KIAA0825: variants seen among roughly 807,000 people sequenced by gnomAD.
The protein encoded by KIAA0825 is uncharacterized protein KIAA0825.
A neutral mutation model predicts 147.6 loss-of-function variants in KIAA0825; 119 were observed. The ratio of observed to expected loss-of-function variants is 0.81; its 90% confidence interval spans 0.69 to 0.94. KIAA0825 has a LOEUF of 0.94. Among genes scored for constraint, KIAA0825 ranks in the 40% least tolerant of loss-of-function variants. The probability of loss-of-function intolerance (pLI) is 0.00; values close to 1 mark genes in which losing one functional copy is unlikely to be tolerated. For missense variants in KIAA0825, 1,381 were observed against 1,472.7 expected, an observed-to-expected ratio of 0.94 and a Z score of 1.02; for synonymous variants, 470 against 518.1, an observed-to-expected ratio of 0.91 and a Z score of 1.26.
Position 94,614,622 on chromosome 5 carries a change from C to T in KIAA0825, c.-153+3878G>A, listed in dbSNP as rs62365670. 6.8e-3 allele frequency among the ~76,000 whole-genome samples: 1,039 copies of T among 152,158 alleles called. 6 individuals carry two copies. The highest frequency in any genetic ancestry group is 0.011 in the Non-Finnish European group (734 of 67,998). On this transcript the variant is annotated intron_variant, in intron 1 of 20. Coordinates refer to ENST00000682413, the MANE Select transcript of KIAA0825 (RefSeq NM_001145678.3). ...CAGTAGAACACTTGTCCCTCTTGTT[C>T]CCCTGCCAAAATCCTTTCCATCCTA...
intron 3 of KIAA0825, among the ~76,000 whole-genome samples, chr5:94,529,315 T>TATATATGTATGTATC (rs1770165043): frequency 1.4e-5 from 2 of 141,592 alleles, no homozygotes; most frequent in Admixed American, 7.2e-5. Context: ...GTATATATCA[T>TATATATGTATGTATC]ATATATGTAT....
Position 94,319,446 on chromosome 5 carries a change from T to C in KIAA0825, c.3710+64922A>G, listed in dbSNP as rs893232558. On this transcript the variant is annotated intron_variant, in intron 20 of 20. Coordinates refer to ENST00000682413, the MANE Select transcript of KIAA0825 (RefSeq NM_001145678.3). ...CCTGAGTCCCATATTACTATGTCCA[T>C]CTCCTACTCTTCCTAGATGTCTTAA... Among the ~76,000 whole-genome samples, 3 of 151,896 alleles carry C rather than the reference T, an allele frequency of 2.0e-5. 1 individual carries two copies. The South Asian group carries it at 6.2e-4, about 31-fold the overall frequency.
At chr5:94,186,401 T>A (rs1770123627) in intron 20 of KIAA0825, among the ~76,000 whole-genome samples, 1 of 152,216 alleles carries the variant, frequency 6.6e-6, no homozygotes, top group South Asian at 2.1e-4. Context: ...CAGTAAATAA[T>A]ATTTCCATTT....
chr5:94,470,852 A>C (rs960897117), intron 9 of KIAA0825, among the ~76,000 whole-genome samples: 4 of 152,242 alleles, frequency 2.6e-5, no homozygotes, highest in African/African-American at 9.6e-5. Context: ...CTTTTGCAAG[A>C]AGCCATGTTA....
intron 20 of KIAA0825, among the ~76,000 whole-genome samples, chr5:94,321,088 T>C (rs1780140442): frequency 6.6e-6 from 1 of 152,026 alleles, no homozygotes; most frequent in Admixed American, 6.6e-5. Context: ...TGACAGTTTG[T>C]GTCACAGTTT....
chr5:94,556,434 G>C (rs760941460), intron 2 of KIAA0825, among the ~76,000 whole-genome samples: 5 of 152,044 alleles, frequency 3.3e-5, no homozygotes, highest in Non-Finnish European at 5.9e-5. Context: ...ACAATGATTT[G>C]AACTTAGCAT....
chr5:94,561,169 A>T (rs1415437731), intron 2 of KIAA0825, among the ~76,000 whole-genome samples: 4 of 152,248 alleles, frequency 2.6e-5, no homozygotes, highest in African/African-American at 9.6e-5. Context: ...TCGTGTCTAC[A>T]TAATGGATCC....
At chr5:94,245,267 G>A (rs1388755831) in intron 20 of KIAA0825, among the ~76,000 whole-genome samples, 2 of 152,228 alleles carry the variant, frequency 1.3e-5, no homozygotes, top group African/African-American at 2.4e-5. Context: ...CTCTACAGCA[G>A]TCTCAATTAT....
chr5:94,379,138 G>C (rs755164147), intron 20 of KIAA0825, among the ~76,000 whole-genome samples: 1 of 152,068 alleles, frequency 6.6e-6, no homozygotes, highest in African/African-American at 2.4e-5. Flanking sequence ...TTTGGTTTTT[G>C]TTTCAATTGC....
chr5:94,387,260 C>A (rs1307716193), intron 18 of KIAA0825, among the ~76,000 whole-genome samples: 2 of 152,024 alleles, frequency 1.3e-5, no homozygotes, highest in Non-Finnish European at 2.9e-5. Flanking sequence ...AATGTTAGAG[C>A]CAAAAAGGTA....
intron 2 of KIAA0825, among the ~76,000 whole-genome samples, chr5:94,560,803 A>G (rs911476213): frequency 2.6e-5 from 4 of 152,116 alleles, no homozygotes; most frequent in African/African-American, 7.2e-5. Flanking sequence ...GACTTCCAAG[A>G]CTCACATCTT....
At chr5:94,529,278 TCA>T (rs1195730398) in intron 3 of KIAA0825, among the ~76,000 whole-genome samples, 7 of 136,730 alleles carry the variant, frequency 5.1e-5, no homozygotes, top group Non-Finnish European at 9.2e-5. Context: ...TATGTATGTA[TCA>T]TATATATGTA....
At chr5:94,207,398 T>C (rs929209987) in intron 20 of KIAA0825, among the ~76,000 whole-genome samples, 5 of 152,212 alleles carry the variant, frequency 3.3e-5, no homozygotes, top group Admixed American at 3.3e-4. Flanking sequence ...AGCAGCCCTG[T>C]CCTGGTTCTA....
chr5:94,503,925 G>A (rs1765390136), intron 5 of KIAA0825, among the ~76,000 whole-genome samples: 1 of 152,156 alleles, frequency 6.6e-6, no homozygotes. Flanking sequence ...AAAGTAGCAA[G>A]GCACTGAAAG....
At chr5:94,526,392 C>A (rs1295485688) in intron 3 of KIAA0825, among the ~76,000 whole-genome samples, 1 of 151,912 alleles carries the variant, frequency 6.6e-6, no homozygotes, top group Admixed American at 6.6e-5. Context: ...TTTAGCTATA[C>A]AAGTAATGTT....
At chr5:94,372,506 T>C (rs1350646126) in intron 20 of KIAA0825, among the ~76,000 whole-genome samples, 1 of 152,224 alleles carries the variant, frequency 6.6e-6, no homozygotes, top group Non-Finnish European at 1.5e-5. Flanking sequence ...CTGCCAAGGT[T>C]TGGGCTTGCA....
At chr5:94,614,949 C>T (rs1052972886) in intron 1 of KIAA0825, among the ~76,000 whole-genome samples, 8 of 152,006 alleles carry the variant, frequency 5.3e-5, no homozygotes, top group Non-Finnish European at 7.4e-5. Context: ...TCAGACAACA[C>T]GTTTGAGGCT....
chr5:94,367,684 G>T (rs1746070590), intron 20 of KIAA0825, among the ~76,000 whole-genome samples: 1 of 152,160 alleles, frequency 6.6e-6, no homozygotes. Context: ...CAGACAATGT[G>T]TCATCACTGC....
chr5:94,506,241 A>C (rs1021332364), intron 5 of KIAA0825, among the ~76,000 whole-genome samples: 14 of 152,240 alleles, frequency 9.2e-5, no homozygotes, highest in African/African-American at 3.4e-4. Flanking sequence ...TACTGTGTTA[A>C]CCACTACAAT....
Sources: gnomAD v4.1 joint callset for allele counts (sites outside exome capture counted in the v4.1 genomes callset) on GRCh38, gnomAD v4.1.1 for gene constraint, MANE v1.5 for transcripts, NCBI Gene and HGNC (gene_info 2026-07-23, HGNC 2026-07-21) for gene names.